PKHD1L1: variants seen among roughly 807,000 people sequenced by gnomAD.
PKHD1L1 encodes the protein fibrocystin-L.
In PKHD1L1, 434 loss-of-function variants were observed where a neutral mutation model predicts 462.9. The observed-to-expected ratio is 0.94, with a 90% CI of 0.87 to 1.02. The LOEUF (loss-of-function observed/expected upper bound fraction) is 1.02, where lower values mean the gene tolerates loss of function less well. PKHD1L1 is among the 50% of genes least tolerant of loss of function. The pLI, the probability that PKHD1L1 is intolerant of heterozygous loss-of-function variation, is 0.00. For missense variants in PKHD1L1, 5,202 were observed against 5,096.1 expected (o/e 1.02, Z -0.63); for synonymous variants, 1,781 against 1,750.0 (o/e 1.02, Z -0.44).
At chr8:109,479,964 T>A (rs754043684) in intron 54 of PKHD1L1, 27 bp from the exon 55 acceptor site, 14 of 1,527,560 alleles carry the variant, frequency 9.2e-6, no homozygotes, top group Non-Finnish European at 1.2e-5. Context: ...TGGATTATGT[T>A]ATATTTCTTA....
chr8:109,523,229 T>C lies in PKHD1L1; in HGVS notation c.12331-4T>C, dbSNP rs1820645159. On this transcript the variant is annotated splice_polypyrimidine_tract_variant and splice_region_variant and intron_variant, in intron 75 of 77. Coordinates refer to ENST00000378402, the MANE Select transcript of PKHD1L1 (RefSeq NM_177531.6). ...ATAATTATCTACTTTTTTTTTTTTT[T>C]TAGGGTAACTGTGTATCAGTTGGAA... The C allele has an allele frequency of 6.4e-7, 1 of 1,557,058 alleles. No individual in the cohort carries two copies. Among genetic ancestry groups the C allele is most frequent in the Non-Finnish European group, 8.7e-7 (1 of 1,153,356 alleles).
chr8:109,450,401 A>C (rs1480966514), intron 40 of PKHD1L1, among the ~76,000 whole-genome samples: 2 of 152,334 alleles, frequency 1.3e-5, no homozygotes, highest in East Asian at 3.9e-4. Flanking sequence ...CTTAACAAAG[A>C]ATATTGAAAA....
rs749289215 is a variant in PKHD1L1 at position 109,444,717 on chromosome 8, A to G, written c.4848A>G (p.Thr1616=). The G allele has an allele frequency of 9.3e-6, 15 of 1,613,858 alleles. No individual in the cohort carries two copies. The Admixed American group carries it at 2.2e-4, about 23-fold the overall frequency. ...VVEESSEDSI[T]CHIDPQNSMD... is the part of the protein sequence containing the mutation. ...AAGAAAGTAGTGAGGATTCAATTAC[A>G]TGTCATATTGACCCTCAAAACTCAA... Residue 1616 remains threonine (T), a synonymous_variant, in exon 38 of 78, where the codon ACA becomes ACG. Coordinates refer to ENST00000378402, the MANE Select transcript of PKHD1L1 (RefSeq NM_177531.6).
In PKHD1L1 at chr8:109,444,124, C is replaced by CCA. The variant is rs1554578299; in HGVS notation, c.4791+222_4791+223insCA. ...GAACATTTTCATTACCTCCCCCCCCCAAAAAAAACCCTAAAGCCCTTAGAT... is the reference window on the plus strand; with the variant it reads ...GAACATTTTCATTACCTCCCCCCCCCCAAAAAAAAACCCTAAAGCCCTTAGAT... On this transcript the variant is annotated intron_variant, in intron 37 of 77. Coordinates refer to ENST00000378402, the MANE Select transcript of PKHD1L1 (RefSeq NM_177531.6). 4.6e-4 allele frequency among the ~76,000 whole-genome samples: 70 copies of CCA among 151,288 alleles called. 1 individual carries two copies. Among genetic ancestry groups the CCA allele is most frequent in the Middle Eastern group, 3.4e-3 (1 of 294 alleles).
chr8:109,482,034 C>T (rs763592039), intron 56 of PKHD1L1, among the ~76,000 whole-genome samples: 14 of 151,794 alleles, frequency 9.2e-5, no homozygotes, highest in Non-Finnish European at 1.9e-4. Context: ...TACCCAATCA[C>T]AGCTGTTGCT....
intron 9 of PKHD1L1, 134 bp from the exon 10 acceptor site, chr8:109,394,281 A>C: frequency 1.9e-6 from 1 of 531,174 alleles, no homozygotes; most frequent in Non-Finnish European, 3.3e-6. Context: ...CAAAATAAAG[A>C]ACATTCTTAT....
intron 13 of PKHD1L1, 124 bp downstream of exon 13, chr8:109,400,468 T>C (rs1813218334): frequency 8.8e-7 from 1 of 1,137,862 alleles, no homozygotes; most frequent in South Asian, 1.7e-5. Context: ...GTCATGTGGT[T>C]TGGCTCTTGG....
At chr8:109,422,671 T>C (rs1224728448) in intron 23 of PKHD1L1, among the ~76,000 whole-genome samples, 1 of 152,246 alleles carries the variant, frequency 6.6e-6, no homozygotes, top group Non-Finnish European at 1.5e-5. Context: ...ATTAAACCGC[T>C]ATGAACATTC....
At chr8:109,473,209 G>A (rs185340660) in intron 50 of PKHD1L1, among the ~76,000 whole-genome samples, 2 of 152,216 alleles carry the variant, frequency 1.3e-5, no homozygotes, top group East Asian at 3.9e-4. Context: ...GCAATCCCAA[G>A]CATCAGAAAA....
chr8:109,401,607 A>T lies in PKHD1L1; in HGVS notation c.1373+19A>T. Reference sequence around the variant, plus strand: ...GAAAAGAGTAAGGCTTTTTCCTGTCATTAAATTACTGTGTGGTATTTATAA... The same window carrying T: ...GAAAAGAGTAAGGCTTTTTCCTGTCTTTAAATTACTGTGTGGTATTTATAA... On this transcript the variant is annotated intron_variant, in intron 14 of 77. Coordinates refer to ENST00000378402, the MANE Select transcript of PKHD1L1 (RefSeq NM_177531.6). 1 of 1,290,462 alleles carries T rather than the reference A, an allele frequency of 7.7e-7. No homozygotes were observed. Among genetic ancestry groups the T allele is most frequent in the South Asian group, 1.3e-5 (1 of 78,782 alleles). The allele number at this position is 1,290,462 out of a possible 1,614,324, so 79.9% of individuals were successfully genotyped here. A position where few individuals can be genotyped will look rare whatever the true frequency, so the allele number is the denominator to read the frequency against.
intron 38 of PKHD1L1, among the ~76,000 whole-genome samples, chr8:109,446,252 A>T (rs1816131530): frequency 1.3e-5 from 2 of 152,196 alleles, no homozygotes; most frequent in South Asian, 4.1e-4. Flanking sequence ...AGCTATTAGA[A>T]TGCTTCGAGC....
chr8:109,472,634 A>G (rs950443065), intron 50 of PKHD1L1, among the ~76,000 whole-genome samples: 1 of 152,200 alleles, frequency 6.6e-6, no homozygotes, highest in Admixed American at 6.6e-5. Flanking sequence ...CAAGTGTTGA[A>G]TTAAATGGAA....
In PKHD1L1 at chr8:109,408,190, G is replaced by A. The variant is rs199985254; in HGVS notation, c.1955G>A (p.Trp652Ter). The A allele has an allele frequency of 6.2e-7, 1 of 1,612,070 alleles. No homozygotes were observed. Among genetic ancestry groups the A allele is most frequent in the Non-Finnish European group, 8.5e-7 (1 of 1,178,848 alleles). Residue 652 changes from tryptophan to a stop codon, truncating the protein, a stop_gained, in exon 18 of 78, where the codon TGG becomes TAG. Transcript: ENST00000378402. LOFTEE classifies it high-confidence loss of function. ...DGIASKPLTL[W>*]SSEAEFQGAV... ...ATCGCTTCTAAGCCACTCACTCTAT[G>A]GTCATCAGAAGCTGAAGTACGGTGT... is the stretch of plus-strand genomic sequence containing the variant.
In PKHD1L1 at chr8:109,459,610, G is replaced by T. The variant is rs775964206; in HGVS notation, c.7020G>T (p.Glu2340Asp). Residue 2340 changes from glutamate to aspartate, a missense_variant, in exon 47 of 78, where the codon GAG becomes GAT. Around this residue, in one of 3 missense-constraint regions of PKHD1L1, gnomAD observed 4,497 missense variants for 4,336.8 expected, o/e 1.04. Transcript: ENST00000378402. ...ASTGHRHSQG[E>D]NEKMTIASVS... ...ATTTTTACAGACACAGTCAAGGAGA[G>T]AATGAAAAAATGACCATTGCATCTG... is the stretch of plus-strand genomic sequence containing the variant. 25 of 1,562,578 alleles carry T rather than the reference G, an allele frequency of 1.6e-5. No individual in the cohort carries two copies. The South Asian group carries it at 2.7e-4, about 17-fold the overall frequency.
intron 49 of PKHD1L1, among the ~76,000 whole-genome samples, chr8:109,465,629 C>G (rs1016692371): frequency 6.6e-5 from 10 of 152,158 alleles, no homozygotes; most frequent in Admixed American, 5.9e-4. Context: ...CCTAATTTTT[C>G]AGCCAGTCAT....
rs559332699 is a variant in PKHD1L1, at chr8:109,417,495, G to A, written c.2361-1602G>A. Among the ~76,000 whole-genome samples the A allele has an allele frequency of 1.7e-4, 25 of 149,740 alleles. No individual in the cohort carries two copies. In the South Asian group the frequency reaches 2.2e-3, roughly 13 times the overall value. On this transcript the variant is annotated intron_variant, in intron 21 of 77. Coordinates refer to ENST00000378402, the MANE Select transcript of PKHD1L1 (RefSeq NM_177531.6). ...TATCATGATTGTTAAAAATAACAGC[G>A]TTCCCTTGATATTACCAGTCAAGAC...
intron 40 of PKHD1L1, 141 bp from the exon 41 acceptor site, chr8:109,450,834 T>C (rs1032250658): frequency 2.5e-6 from 2 of 790,018 alleles, no homozygotes; most frequent in Non-Finnish European, 3.9e-6. Flanking sequence ...AGGGCCACTA[T>C]TATTCACATG....
At chr8:109,369,192 T>C (rs1208440836) in intron 2 of PKHD1L1, among the ~76,000 whole-genome samples, 1 of 136,370 alleles carries the variant, frequency 7.3e-6, no homozygotes, top group Non-Finnish European at 1.6e-5. Context: ...GCCAGGTTGG[T>C]CTCAAACTCC....
In PKHD1L1 at chr8:109,454,207, G is replaced by A. The variant is rs1394851278; in HGVS notation, c.6705G>A (p.Gln2235=). The A allele has an allele frequency of 6.2e-7, 1 of 1,608,366 alleles. No individual in the cohort carries two copies. The highest frequency in any genetic ancestry group is 8.5e-7 in the Non-Finnish European group (1 of 1,177,184). Residue 2235 remains glutamine (Q), a synonymous_variant, in exon 44 of 78, where the codon CAG becomes CAA. Transcript: ENST00000378402. ...TTGATGAAGCTGACATTGAACTCCA[G>A]GCAGAAAATATTCTAATTACAGATG... ...LIFDEADIEL[Q]AENILITDGG...
Sources: gnomAD v4.1 joint callset for allele counts (sites outside exome capture counted in the v4.1 genomes callset) on GRCh38, gnomAD v4.1.1 for gene constraint, gnomAD v4.1.1 regional missense constraint, MANE v1.5 for transcripts, NCBI Gene and HGNC (gene_info 2026-07-23, HGNC 2026-07-21) for gene names.